The following PPP3CC variants were observed in gnomAD, a reference collection of about 807,000 sequenced individuals.
PPP3CC encodes serine/threonine-protein phosphatase 2B catalytic subunit gamma isoform.
A neutral mutation model predicts 60.3 loss-of-function variants in PPP3CC; 35 were observed. The ratio of observed to expected loss-of-function variants is 0.58; its 90% CI spans 0.44 to 0.77. The LOEUF is 0.77. Ranked by LOEUF, PPP3CC falls within the 30% of genes least tolerant of loss-of-function variation. PPP3CC has a pLI of 0.00. For missense variants in PPP3CC, 570 were observed against 628.9 expected (o/e 0.91, Z 1.00); for synonymous variants, 206 against 224.3 (o/e 0.92, Z 0.73).
At chr8:22,497,186 C>A (rs1838615504) in intron 3 of PPP3CC, among the ~76,000 whole-genome samples, 1 of 152,164 alleles carries the variant, frequency 6.6e-6, no homozygotes, top group Non-Finnish European at 1.5e-5. Context: ...TGTGCCACCA[C>A]ACCCAGCTAA....
intron 1 of PPP3CC, among the ~76,000 whole-genome samples, chr8:22,442,520 CCT>C (rs1167576585): frequency 6.6e-6 from 1 of 152,066 alleles, no homozygotes; most frequent in African/African-American, 2.4e-5. Context: ...AGGTTTCCCC[CCT>C]CTCTCCCCAA....
intron 1 of PPP3CC, among the ~76,000 whole-genome samples, chr8:22,448,599 G>A (rs1481103410): frequency 2.6e-5 from 4 of 151,870 alleles, no homozygotes; most frequent in Non-Finnish European, 4.4e-5. Flanking sequence ...GGCTGGTCTC[G>A]AGCTCCCGAC....
intron 5 of PPP3CC, among the ~76,000 whole-genome samples, chr8:22,512,179 A>G (rs1210526210): frequency 3.3e-5 from 5 of 152,186 alleles, no homozygotes; most frequent in Non-Finnish European, 7.3e-5. Context: ...CTGAGACTAA[A>G]AATTTTTCTG....
chr8:22,513,064 G>A (rs1289465965), intron 5 of PPP3CC, among the ~76,000 whole-genome samples: 5 of 148,004 alleles, frequency 3.4e-5, no homozygotes, highest in East Asian at 2.0e-4. Context: ...CAATAAGAAC[G>A]AAACTCCGTC....
At chr8:22,512,528 C>T (rs1028571702) in intron 5 of PPP3CC, among the ~76,000 whole-genome samples, 3 of 152,090 alleles carry the variant, frequency 2.0e-5, no homozygotes, top group Non-Finnish European at 4.4e-5. Flanking sequence ...ACAAAATTAG[C>T]ATTCTTTAAA....
chr8:22,540,797 T>C lies in PPP3CC; in HGVS notation c.1534T>C (p.Ser512Pro). Reference sequence around the variant, plus strand: ...GAGCGACCAAGGGAAGAAAGCCCATTCATGACTTAGAGTCCTGCCGTGGCT... The same window carrying C: ...GAGCGACCAAGGGAAGAAAGCCCATCCATGACTTAGAGTCCTGCCGTGGCT... ...HRSDQGKKAH[S>P] is the part of the protein sequence containing the mutation. Residue 512 changes from serine to proline, a missense_variant, in exon 14 of 14, where the codon TCA (serine) becomes CCA (proline). Physicochemically the swap from Ser to Pro is moderately conservative, Grantham distance 74. Coordinates refer to ENST00000240139, the MANE Select transcript of PPP3CC (RefSeq NM_005605.5). 1.9e-6 allele frequency: 3 copies of C among 1,609,636 alleles called. No homozygotes were observed. Among genetic ancestry groups the C allele is most frequent in the Non-Finnish European group, 2.5e-6 (3 of 1,177,856 alleles).
chr8:22,523,389 A>G (rs951594759), intron 8 of PPP3CC, among the ~76,000 whole-genome samples: 2 of 152,064 alleles, frequency 1.3e-5, no homozygotes, highest in Admixed American at 1.3e-4. Flanking sequence ...TAAAACTTTT[A>G]TGATTAATAG....
At chr8:22,478,935 G>A (rs943074973) in intron 3 of PPP3CC, among the ~76,000 whole-genome samples, 9 of 152,038 alleles carry the variant, frequency 5.9e-5, no homozygotes, top group Non-Finnish European at 1.3e-4. Context: ...TAACTTAAAG[G>A]GTTTTTTCTG....
intron 4 of PPP3CC, among the ~76,000 whole-genome samples, chr8:22,506,928 A>AATT (rs1838941035): frequency 6.6e-6 from 1 of 150,834 alleles, no homozygotes; most frequent in Admixed American, 6.6e-5. Context: ...TCAAATAAAT[A>AATT]AATTAATTAA....
chr8:22,481,194 G>A (rs566477167), intron 3 of PPP3CC, among the ~76,000 whole-genome samples: 1 of 152,158 alleles, frequency 6.6e-6, no homozygotes, highest in South Asian at 2.1e-4. Flanking sequence ...AGTTAGCCGG[G>A]CGTGGTGGTG....
chr8:22,442,847 T>C (rs1836713193), intron 1 of PPP3CC, among the ~76,000 whole-genome samples: 2 of 152,326 alleles, frequency 1.3e-5, no homozygotes, highest in South Asian at 2.1e-4. Flanking sequence ...CGTTCTGCTG[T>C]ATAAAGTTGT....
intron 1 of PPP3CC, among the ~76,000 whole-genome samples, chr8:22,463,423 C>G (rs1466142591): frequency 6.6e-6 from 1 of 152,168 alleles, no homozygotes; most frequent in African/African-American, 2.4e-5. Context: ...CCACAAGGCT[C>G]AATTCCTATC....
At chr8:22,451,707 C>T (rs1047841748) in intron 1 of PPP3CC, among the ~76,000 whole-genome samples, 2 of 152,088 alleles carry the variant, frequency 1.3e-5, no homozygotes, top group African/African-American at 4.8e-5. Flanking sequence ...AGATTGACCA[C>T]GTAGGTGGCT....
chr8:22,466,420 C>T (rs1294657224), intron 1 of PPP3CC, among the ~76,000 whole-genome samples: 1 of 152,208 alleles, frequency 6.6e-6, no homozygotes, highest in Non-Finnish European at 1.5e-5. Flanking sequence ...ACACTGTCTT[C>T]CACAGTGGTT....
Position 22,441,326 on chromosome 8 carries a change from A to C in PPP3CC, c.-84A>C. 2.9e-6 allele frequency: 4 copies of C among 1,392,010 alleles called. No homozygotes were observed. The highest frequency in any genetic ancestry group is 3.8e-6 in the Non-Finnish European group (4 of 1,041,216). 86.2% of individuals were successfully genotyped at this position (1,392,010 alleles called of 1,614,324 possible). A position where few individuals can be genotyped will look rare whatever the true frequency, so the allele number is the denominator to read the frequency against. ...GGCTGGCTGACGGCTCCGGGCAGCT[A>C]AGGCTGCCCGAGGAGAAGGCGGCGG... On this transcript the variant is annotated 5_prime_UTR_variant, in exon 1 of 14. Transcript: ENST00000240139.
At chr8:22,467,782 A>G (rs188669227) in intron 1 of PPP3CC, among the ~76,000 whole-genome samples, 2 of 152,312 alleles carry the variant, frequency 1.3e-5, no homozygotes, top group Admixed American at 6.5e-5. Flanking sequence ...AACAACAGAA[A>G]TTTATTTCTT....
chr8:22,524,540 C>G (rs1839490344), intron 8 of PPP3CC, among the ~76,000 whole-genome samples: 1 of 152,178 alleles, frequency 6.6e-6, no homozygotes, highest in Admixed American at 6.5e-5. Context: ...CCTGATATTT[C>G]CAGTATATTA....
intron 12 of PPP3CC, among the ~76,000 whole-genome samples, chr8:22,535,162 A>C (rs1007212826): frequency 6.6e-6 from 1 of 152,124 alleles, no homozygotes; most frequent in African/African-American, 2.4e-5. Context: ...TCAATCAGAG[A>C]GGGAGTTTGC....
At chr8:22,467,679 C>T (rs1034614641) in intron 1 of PPP3CC, among the ~76,000 whole-genome samples, 8 of 152,092 alleles carry the variant, frequency 5.3e-5, no homozygotes, top group East Asian at 1.9e-4. Context: ...CACCTGCCTC[C>T]GCCTCCCAAT....
Sources: gnomAD v4.1 joint callset for allele counts (sites outside exome capture counted in the v4.1 genomes callset) on GRCh38, gnomAD v4.1.1 for gene constraint, MANE v1.5 for transcripts, NCBI Gene and HGNC (gene_info 2026-07-23, HGNC 2026-07-21) for gene names.